Variants in TRPC7 observed in about 807,000 individuals in gnomAD.
TRPC7 encodes the protein transient receptor potential cation channel subfamily C member 7, also known as short transient receptor potential channel 7.
A neutral mutation model predicts 90.1 loss-of-function variants in TRPC7; 42 were observed. The ratio of observed to expected loss-of-function variants is 0.47; its 90% confidence interval spans 0.36 to 0.60. The LOEUF (loss-of-function observed/expected upper bound fraction) is 0.60, where lower values mean the gene tolerates loss of function less well. Among genes scored for constraint, TRPC7 ranks in the 20% least tolerant of loss-of-function variants. The pLI, the probability that TRPC7 is intolerant of heterozygous loss-of-function variation, is 0.00. For missense variants in TRPC7, 955 were observed against 1,112.3 expected (o/e 0.86, Z 2.01); for synonymous variants, 451 against 436.3 (o/e 1.03, Z -0.42).
intron 2 of TRPC7, among the ~76,000 whole-genome samples, chr5:136,340,647 C>G (rs1759816903): frequency 6.6e-6 from 1 of 151,808 alleles, no homozygotes; most frequent in Non-Finnish European, 1.5e-5. Flanking sequence ...ACTGAAAAAA[C>G]TCACAAATAA....
rs1162376332 is a variant in TRPC7, at chr5:136,251,779, C to T, written c.1449G>A (p.Val483=). ...CCATGAAGCGTGCTGTGAAGGAGGCCACGAAGATGGACAGCATCCCGAAAT... is the reference window on the plus strand; with the variant it reads ...CCATGAAGCGTGCTGTGAAGGAGGCTACGAAGATGGACAGCATCCCGAAAT... ...LLDFGMLSIF[V]ASFTARFMAF... The change falls in exon 6 of 12, where the codon GTG becomes GTA. Residue 483 remains valine (V), a synonymous_variant. Transcript: ENST00000513104. 1 of 1,613,968 alleles carries T rather than the reference C, an allele frequency of 6.2e-7. No individual in the cohort carries two copies. The highest frequency in any genetic ancestry group is 8.5e-7 in the Non-Finnish European group (1 of 1,179,876).
chr5:136,270,576 T>C (rs1342415096), intron 4 of TRPC7, among the ~76,000 whole-genome samples: 2 of 152,212 alleles, frequency 1.3e-5, no homozygotes, highest in African/African-American at 4.8e-5. Flanking sequence ...GTGCTATCTA[T>C]ATGCAACACG....
At chr5:136,282,624 C>A (rs1757582482) in intron 3 of TRPC7, among the ~76,000 whole-genome samples, 2 of 152,156 alleles carry the variant, frequency 1.3e-5, no homozygotes, top group South Asian at 4.2e-4. Flanking sequence ...TAAATTTTAA[C>A]CTTTGAATTC....
chr5:136,219,756 A>C (rs1222521137), intron 10 of TRPC7, among the ~76,000 whole-genome samples: 1 of 152,074 alleles, frequency 6.6e-6, no homozygotes, highest in Non-Finnish European at 1.5e-5. Context: ...ACAGAGCAAG[A>C]CTCTGTCTCA....
At chr5:136,260,104 G>A (rs1756808505) in intron 5 of TRPC7, among the ~76,000 whole-genome samples, 1 of 152,192 alleles carries the variant, frequency 6.6e-6, no homozygotes, top group Non-Finnish European at 1.5e-5. Flanking sequence ...TGCCCCATAG[G>A]ATGAGGGGAT....
At chr5:136,357,438 T>A in intron 1 of TRPC7, 53 bp from the exon 2 acceptor site, 1 of 1,507,626 alleles carries the variant, frequency 6.6e-7, no homozygotes, top group Non-Finnish European at 8.8e-7. Flanking sequence ...TCCCTAGCAG[T>A]AGAGCACACA....
chr5:136,213,888 G>C (rs1755171658), intron 11 of TRPC7, among the ~76,000 whole-genome samples: 1 of 152,184 alleles, frequency 6.6e-6, no homozygotes, highest in African/African-American at 2.4e-5. Context: ...TGTGAATTGT[G>C]TCTAGCACTT....
At chr5:136,364,172 G>A (rs1046381500) in intron 1 of TRPC7, among the ~76,000 whole-genome samples, 1 of 152,186 alleles carries the variant, frequency 6.6e-6, no homozygotes, top group African/African-American at 2.4e-5. Flanking sequence ...TCTCATCCAA[G>A]ATACCGCATG....
chr5:136,336,372 CTATT>C (rs1759663639), intron 2 of TRPC7, among the ~76,000 whole-genome samples: 1 of 152,104 alleles, frequency 6.6e-6, no homozygotes, highest in African/African-American at 2.4e-5. Flanking sequence ...TTGTGGGTAA[CTATT>C]TAACCACTCT....
At chr5:136,360,425 G>T (rs1303936618) in intron 1 of TRPC7, among the ~76,000 whole-genome samples, 1 of 152,070 alleles carries the variant, frequency 6.6e-6, no homozygotes, top group African/African-American at 2.4e-5. Flanking sequence ...TCTGCACAAG[G>T]GTAGGGCATC....
At position 136,243,766 on chromosome 5, in the gene TRPC7, T is replaced by C. The variant is rs114013415; in HGVS notation, c.1844+3705A>G. ...GATGACATTTACAAAAATCCATTCT[T>C]TTCTCTCTCCACTTCACTGCTCTAT... On this transcript the variant is annotated intron_variant, in intron 7 of 11. Coordinates refer to ENST00000513104, the MANE Select transcript of TRPC7 (RefSeq NM_020389.3). Among the ~76,000 whole-genome samples, 957 of 152,170 alleles carry C rather than the reference T, an allele frequency of 6.3e-3. 9 individuals are homozygous for C. Among genetic ancestry groups the C allele is most frequent in the African/African-American group, 0.021 (891 of 41,508 alleles).
intron 2 of TRPC7, among the ~76,000 whole-genome samples, chr5:136,336,512 T>G (rs543585286): frequency 1.3e-5 from 2 of 152,242 alleles, no homozygotes; most frequent in African/African-American, 4.8e-5. Context: ...GAAGGTTTTT[T>G]TTTTTTAATA....
In TRPC7 at chr5:136,347,943, G is replaced by A. The variant is rs558096840; in HGVS notation, c.780+8665C>T. 4.6e-5 allele frequency among the ~76,000 whole-genome samples: 7 copies of A among 152,346 alleles called. No individual in the cohort carries two copies. The East Asian group carries it at 1.4e-3, about 29-fold the overall frequency. ...GGAAGCAGCCAGGAGCCAGTCACCTGCTCCAACTGCGCTGTGGCTTCATCT... is the reference window on the plus strand; with the variant it reads ...GGAAGCAGCCAGGAGCCAGTCACCTACTCCAACTGCGCTGTGGCTTCATCT... On this transcript the variant is annotated intron_variant, in intron 2 of 11. Transcript: ENST00000513104.
chr5:136,318,103 G>T (rs1380772104), intron 2 of TRPC7, among the ~76,000 whole-genome samples: 2 of 152,186 alleles, frequency 1.3e-5, no homozygotes, highest in African/African-American at 4.8e-5. Context: ...GGCCTGCGAG[G>T]AAGAAGATGA....
chr5:136,281,466 A>T (rs572423247), intron 3 of TRPC7, among the ~76,000 whole-genome samples: 1 of 152,338 alleles, frequency 6.6e-6, no homozygotes, highest in East Asian at 1.9e-4. Flanking sequence ...TTCAAGTCCC[A>T]TGAGAAAATC....
intron 7 of TRPC7, among the ~76,000 whole-genome samples, chr5:136,245,857 T>C (rs556137379): frequency 6.6e-6 from 1 of 152,316 alleles, no homozygotes; most frequent in Admixed American, 6.5e-5. Context: ...TTTCATTTTA[T>C]AGACGAGGAC....
At chr5:136,218,938 G>A (rs886752214) in intron 10 of TRPC7, among the ~76,000 whole-genome samples, 22 of 152,264 alleles carry the variant, frequency 1.4e-4, no homozygotes, top group African/African-American at 4.8e-4. Flanking sequence ...CTTCTCCAAG[G>A]TCACACAGCT....
intron 2 of TRPC7, among the ~76,000 whole-genome samples, chr5:136,329,755 G>T (rs535039842): frequency 2.0e-5 from 3 of 152,272 alleles, no homozygotes; most frequent in South Asian, 4.1e-4. Context: ...ACCAAGAAAG[G>T]AATTCATGTG....
At chr5:136,334,075 A>T (rs1228596683) in intron 2 of TRPC7, among the ~76,000 whole-genome samples, 1 of 152,138 alleles carries the variant, frequency 6.6e-6, no homozygotes, top group Non-Finnish European at 1.5e-5. Context: ...AAATTATCCA[A>T]AAAGAGGTTC....
Sources: gnomAD v4.1 joint callset for allele counts (sites outside exome capture counted in the v4.1 genomes callset) on GRCh38, gnomAD v4.1.1 for gene constraint, MANE v1.5 for transcripts, NCBI Gene and HGNC (gene_info 2026-07-23, HGNC 2026-07-21) for gene names.